Variants in ZNF804B observed in about 807,000 individuals in gnomAD.
The protein encoded by ZNF804B is zinc finger 804B.
In ZNF804B, 80 loss-of-function variants were observed where a neutral mutation model predicts 101.4. The observed-to-expected ratio is 0.79, with a 90% CI of 0.66 to 0.95. The LOEUF (loss-of-function observed/expected upper bound fraction) is 0.95, where lower values mean the gene tolerates loss of function less well. ZNF804B is among the 40% of genes least tolerant of loss of function. The pLI is 0.00. For synonymous variants in ZNF804B, 622 were observed against 558.8 expected, an observed-to-expected ratio of 1.11 and a Z score of -1.59; for missense variants, 1,673 against 1,561.9, an observed-to-expected ratio of 1.07 and a Z score of -1.20.
intron 1 of ZNF804B, among the ~76,000 whole-genome samples, chr7:89,102,432 G>A (rs539398390): frequency 1.1e-4 from 17 of 151,934 alleles, no homozygotes; most frequent in Middle Eastern, 6.8e-3. Flanking sequence ...CATTTCTCTG[G>A]TTAGTAATGT....
chr7:89,303,699 T>A lies in ZNF804B; in HGVS notation c.250-23645T>A, dbSNP rs191409989. On this transcript the variant is annotated intron_variant, in intron 2 of 3. Coordinates refer to ENST00000333190, the MANE Select transcript of ZNF804B (RefSeq NM_181646.5). ...ACATGTGAAAATCTTACAATTCATG[T>A]GGGCTATTGGTGGTATTTCATTGTA... is the stretch of plus-strand genomic sequence containing the variant. 1.1e-3 allele frequency among the ~76,000 whole-genome samples: 173 copies of A among 152,056 alleles called. 1 individual carries two copies. Among genetic ancestry groups the A allele is most frequent in the African/African-American group, 3.9e-3 (161 of 41,554 alleles).
At chr7:88,907,611 A>G (rs1204091403) in intron 1 of ZNF804B, among the ~76,000 whole-genome samples, 1 of 151,906 alleles carries the variant, frequency 6.6e-6, no homozygotes, top group African/African-American at 2.4e-5. Flanking sequence ...ATGAAACTGA[A>G]GCACGGACTA....
chr7:88,765,505 G>T (rs1411412398), intron 1 of ZNF804B, among the ~76,000 whole-genome samples: 2 of 152,150 alleles, frequency 1.3e-5, no homozygotes, highest in Admixed American at 1.3e-4. Context: ...GAAGCAGACA[G>T]CAAGAACAAT....
Position 89,334,810 on chromosome 7 carries a change from T to C in ZNF804B, c.1828T>C (p.Trp610Arg). 2 of 1,613,842 alleles carry C rather than the reference T, an allele frequency of 1.2e-6. No homozygotes were observed. The highest frequency in any genetic ancestry group is 1.7e-6 in the Non-Finnish European group (2 of 1,179,864). The change falls in exon 4 of 4, where the codon TGG (tryptophan) becomes CGG (arginine). Residue 610 changes from tryptophan (W) to arginine (R), a missense_variant. Physicochemically the swap from Trp to Arg is moderately radical, Grantham distance 101. Coordinates refer to ENST00000333190, the MANE Select transcript of ZNF804B (RefSeq NM_181646.5). ...ACTTAAGGAAGCTTCAAGGGCCCAT[T>C]GGCAAGGCTGCAGAAAGGCAGTTCT... The part of the protein sequence containing the change: ...NKLKEASRAH[W>R]QGCRKAVLND...
At chr7:89,183,360 G>T (rs1156628140) in intron 1 of ZNF804B, among the ~76,000 whole-genome samples, 1 of 151,890 alleles carries the variant, frequency 6.6e-6, no homozygotes, top group African/African-American at 2.4e-5. Flanking sequence ...TCATTTTATG[G>T]TAATTATATT....
intron 1 of ZNF804B, among the ~76,000 whole-genome samples, chr7:88,876,375 G>C (rs572678046): frequency 6.6e-6 from 1 of 152,222 alleles, no homozygotes; most frequent in African/African-American, 2.4e-5. Context: ...TGCTCTTTCT[G>C]AATGCACTTC....
At chr7:88,764,177 T>C (rs1411489752) in intron 1 of ZNF804B, among the ~76,000 whole-genome samples, 1 of 152,170 alleles carries the variant, frequency 6.6e-6, no homozygotes, top group African/African-American at 2.4e-5. Flanking sequence ...CCGTTAATAG[T>C]GAGACTATCA....
chr7:89,093,585 G>A (rs1285552376), intron 1 of ZNF804B, among the ~76,000 whole-genome samples: 1 of 152,202 alleles, frequency 6.6e-6, no homozygotes, highest in Non-Finnish European at 1.5e-5. Context: ...CCCTAAAAAT[G>A]TTCTATGTGT....
chr7:89,305,782 TA>T (rs1378079597), intron 2 of ZNF804B, among the ~76,000 whole-genome samples: 3 of 151,970 alleles, frequency 2.0e-5, no homozygotes, highest in Non-Finnish European at 4.4e-5. Flanking sequence ...TGAAAGAGGA[TA>T]TTTTTTGATA....
intron 1 of ZNF804B, among the ~76,000 whole-genome samples, chr7:88,880,884 G>T (rs573188884): frequency 6.6e-6 from 1 of 151,958 alleles, no homozygotes; most frequent in Non-Finnish European, 1.5e-5. Flanking sequence ...TTAATGGCTA[G>T]TGAACATTAT....
chr7:89,036,525 G>GT (rs1228567605), intron 1 of ZNF804B, among the ~76,000 whole-genome samples: 4 of 151,984 alleles, frequency 2.6e-5, no homozygotes, highest in Admixed American at 6.6e-5. Flanking sequence ...ACGGAAATTA[G>GT]TTAATATGAT....
At position 89,218,137 on chromosome 7, in the gene ZNF804B, A is replaced by G. The variant is rs4140973; in HGVS notation, c.109-18A>G. ...TTAGAGAGAAGTCTAACCAACATTT[A>G]TGTATTTTTTCTTAAAGGATTTTGC... On this transcript the variant is annotated intron_variant, in intron 1 of 3. Transcript: ENST00000333190. 1 of 1,216,170 alleles carries G rather than the reference A, an allele frequency of 8.2e-7. No individual in the cohort carries two copies. The highest frequency in any genetic ancestry group is 1.1e-6 in the Non-Finnish European group (1 of 887,812). 75.3% of individuals were successfully genotyped at this position (1,216,170 alleles called of 1,614,324 possible).
At chr7:89,270,658 A>G (rs144258959) in intron 2 of ZNF804B, among the ~76,000 whole-genome samples, 2,384 of 152,166 alleles carry the variant, frequency 0.016, 61 homozygotes, top group African/African-American at 0.054. Flanking sequence ...ACCTTGGGCA[A>G]TATGGCCATT....
intron 1 of ZNF804B, among the ~76,000 whole-genome samples, chr7:89,167,747 A>T (rs1307991775): frequency 6.6e-6 from 1 of 152,138 alleles, no homozygotes; most frequent in Non-Finnish European, 1.5e-5. Flanking sequence ...TATGGTAGCT[A>T]TTATTAAACT....
intron 1 of ZNF804B, among the ~76,000 whole-genome samples, chr7:89,111,733 AT>A (rs1337051096): frequency 6.6e-6 from 1 of 152,132 alleles, no homozygotes; most frequent in Non-Finnish European, 1.5e-5. Flanking sequence ...CAACTTATTA[AT>A]TTTTTCTTTC....
intron 1 of ZNF804B, among the ~76,000 whole-genome samples, chr7:89,121,257 A>G (rs1053869174): frequency 6.6e-6 from 1 of 152,178 alleles, no homozygotes; most frequent in African/African-American, 2.4e-5. Context: ...TTGGGTTGGA[A>G]CTATATATAA....
intron 1 of ZNF804B, among the ~76,000 whole-genome samples, chr7:88,818,415 A>G (rs1336167297): frequency 6.6e-6 from 1 of 152,142 alleles, no homozygotes; most frequent in Non-Finnish European, 1.5e-5. Flanking sequence ...TTTTTCTTAG[A>G]AAAATATATA....
intron 1 of ZNF804B, among the ~76,000 whole-genome samples, chr7:89,144,008 T>C (rs1790753483): frequency 6.6e-6 from 1 of 151,982 alleles, no homozygotes; most frequent in Non-Finnish European, 1.5e-5. Flanking sequence ...ACCCGTCTCC[T>C]TTTCTAAAAA....
intron 1 of ZNF804B, among the ~76,000 whole-genome samples, chr7:89,202,813 A>G (rs553680023): frequency 6.6e-6 from 1 of 152,066 alleles, no homozygotes; most frequent in Non-Finnish European, 1.5e-5. Context: ...TTCCTGGATT[A>G]ATTTTCTTAA....
Sources: gnomAD v4.1 joint callset for allele counts (sites outside exome capture counted in the v4.1 genomes callset) on GRCh38, gnomAD v4.1.1 for gene constraint, MANE v1.5 for transcripts, NCBI Gene and HGNC (gene_info 2026-07-23, HGNC 2026-07-21) for gene names.